Variants in TLL2 observed in about 807,000 individuals in gnomAD.
TLL2 encodes the protein tolloid like 2.
TLL2 carries 106 observed loss-of-function variants against 123.0 expected under a neutral mutation model. The ratio of observed to expected loss-of-function variants is 0.86; its 90% CI spans 0.74 to 1.01. The LOEUF (loss-of-function observed/expected upper bound fraction) is 1.01. TLL2 is among the 50% of genes least tolerant of loss of function. The pLI, the probability that TLL2 is intolerant of heterozygous loss-of-function variation, is 0.00. For synonymous variants in TLL2, 494 were observed against 516.8 expected, an observed-to-expected ratio of 0.96 and a Z score of 0.60; for missense variants, 1,332 against 1,336.7, an observed-to-expected ratio of 1.00 and a Z score of 0.06.
At chr10:96,418,151 T>C (rs750363999) in intron 7 of TLL2, among the ~76,000 whole-genome samples, 3 of 152,022 alleles carry the variant, frequency 2.0e-5, no homozygotes, top group Non-Finnish European at 4.4e-5. Context: ...ACATTGACAA[T>C]AGCATTAGAA....
intron 2 of TLL2, among the ~76,000 whole-genome samples, chr10:96,479,147 A>C (rs1333799236): frequency 6.6e-6 from 1 of 152,234 alleles, no homozygotes; most frequent in African/African-American, 2.4e-5. Flanking sequence ...TCCATTTAAA[A>C]TGTGAATAGA....
At position 96,397,312 on chromosome 10, in the gene TLL2, G is replaced by A. The variant is rs1846351991; in HGVS notation, c.1268-10C>T. 1 of 1,607,794 alleles carries A rather than the reference G, an allele frequency of 6.2e-7. No individual in the cohort carries two copies. The highest frequency in any genetic ancestry group is 1.1e-5 in the South Asian group (1 of 90,230). ...TCGCCACAAAACCTGCCTGGAAAGT[G>A]GAAAAAGAAGCAGTTAGGAGCCCTG... On this transcript the variant is annotated splice_polypyrimidine_tract_variant and intron_variant, in intron 10 of 20. Coordinates refer to ENST00000357947, the MANE Select transcript of TLL2 (RefSeq NM_012465.4).
chr10:96,469,609 G>GA (rs1847159729), intron 2 of TLL2, among the ~76,000 whole-genome samples: 1 of 152,164 alleles, frequency 6.6e-6, no homozygotes, highest in African/African-American at 2.4e-5. Flanking sequence ...TGCCATGAGA[G>GA]GGCAGTGGCT....
intron 1 of TLL2, among the ~76,000 whole-genome samples, chr10:96,488,028 C>T (rs1437495131): frequency 6.6e-6 from 1 of 152,198 alleles, no homozygotes; most frequent in Non-Finnish European, 1.5e-5. Context: ...ATAACTTTAC[C>T]TCTCTAAGCC....
At position 96,384,713 on chromosome 10, in the gene TLL2, G is replaced by T. The variant is rs1398743366; in HGVS notation, c.2068C>A (p.Leu690Met). The T allele has an allele frequency of 1.2e-6, 2 of 1,611,456 alleles. No homozygotes were observed. The highest frequency in any genetic ancestry group is 2.7e-5 in the African/African-American group (2 of 74,878). ...VRSGLSPDAK[L>M]HGRFCGSETP... ...TCAGAGCCGCAGAACCTGCCGTGCA[G>T]CTTGGCGTCGGGGGACAGGCCGCTG... The change falls in exon 16 of 21, where the codon CTG (leucine) becomes ATG (methionine). Residue 690 changes from leucine (L) to methionine (M), a missense_variant. By Grantham distance (15) the Leu-to-Met change is conservative. Transcript: ENST00000357947.
At chr10:96,508,731 T>C (rs1160584641) in intron 1 of TLL2, among the ~76,000 whole-genome samples, 1 of 151,930 alleles carries the variant, frequency 6.6e-6, no homozygotes, top group African/African-American at 2.4e-5. Flanking sequence ...CCTTTCTGCT[T>C]GAGAACTTTT....
At chr10:96,480,213 A>C (rs1450310926) in intron 2 of TLL2, 136 bp downstream of exon 2, 1 of 702,106 alleles carries the variant, frequency 1.4e-6, no homozygotes, top group Non-Finnish European at 2.5e-6. Flanking sequence ...AGGAGAAGTG[A>C]CCCCTCTGAT....
intron 1 of TLL2, among the ~76,000 whole-genome samples, chr10:96,491,540 A>G (rs1847413561): frequency 6.6e-6 from 1 of 152,198 alleles, no homozygotes. Flanking sequence ...TGGCTAGTAA[A>G]TGTTTCAGGA....
At chr10:96,404,921 C>G (rs1846435060) in intron 10 of TLL2, among the ~76,000 whole-genome samples, 1 of 152,150 alleles carries the variant, frequency 6.6e-6, no homozygotes, top group South Asian at 2.1e-4. Context: ...CAGCCAAACC[C>G]TACTGTTGAA....
intron 2 of TLL2, among the ~76,000 whole-genome samples, chr10:96,463,288 C>T (rs910377819): frequency 3.5e-4 from 53 of 152,208 alleles, no homozygotes; most frequent in East Asian, 1.9e-4. Flanking sequence ...GGAAAGCAAA[C>T]GAACGCAGCA....
intron 19 of TLL2, among the ~76,000 whole-genome samples, chr10:96,370,917 T>A (rs1846076600): frequency 6.6e-6 from 1 of 152,206 alleles, no homozygotes; most frequent in South Asian, 2.1e-4. Flanking sequence ...TGGGCTGGTA[T>A]TCTGTAGCCT....
At chr10:96,405,995 A>T (rs1305937688) in intron 9 of TLL2, among the ~76,000 whole-genome samples, 1 of 152,186 alleles carries the variant, frequency 6.6e-6, no homozygotes, top group Non-Finnish European at 1.5e-5. Flanking sequence ...CAATGAGAAC[A>T]CTATGGTATA....
Position 96,410,417 on chromosome 10 carries a change from T to C in TLL2, c.1106A>G (p.Asn369Ser). 2 of 1,614,068 alleles carry C rather than the reference T, an allele frequency of 1.2e-6. No homozygotes were observed. Among genetic ancestry groups the C allele is most frequent in the Non-Finnish European group, 8.5e-7 (1 of 1,180,002 alleles). The part of the protein sequence containing the change: ...TGNFSAPGFP[N>S]GYPSYSHCVW... ...GCAGTGGGAGTAAGATGGGTACCCATTTGGGAAACCAGGTGCAGAAAAGTT... is the reference window on the plus strand; with the variant it reads ...GCAGTGGGAGTAAGATGGGTACCCACTTGGGAAACCAGGTGCAGAAAAGTT... Residue 369 changes from asparagine to serine, a missense_variant, in exon 9 of 21, where the codon AAT becomes AGT. Transcript: ENST00000357947.
At chr10:96,427,360 C>T (rs1846687553) in intron 5 of TLL2, among the ~76,000 whole-genome samples, 1 of 152,078 alleles carries the variant, frequency 6.6e-6, no homozygotes, top group Admixed American at 6.5e-5. Flanking sequence ...TTTTCAAATC[C>T]TCTGTGAATC....
At position 96,421,171 on chromosome 10, in the gene TLL2, C is replaced by T. The variant is rs1846617372; in HGVS notation, c.818-110G>A. The T allele has an allele frequency of 4.0e-6, 3 of 751,644 alleles. No individual in the cohort carries two copies. In the South Asian group the frequency reaches 4.7e-5, roughly 12 times the overall value. The allele number at this position is 751,644 out of a possible 1,614,324, so 46.6% of individuals were successfully genotyped here. On this transcript the variant is annotated intron_variant, in intron 6 of 20. Coordinates refer to ENST00000357947, the MANE Select transcript of TLL2 (RefSeq NM_012465.4). ...ACAACTTCCCAGGGCTCTCTTGGCC[C>T]AATCAGTCAAATAACAGGGCTTGTA...
At chr10:96,500,808 G>GCGA (rs1847526912) in intron 1 of TLL2, among the ~76,000 whole-genome samples, 1 of 136,622 alleles carries the variant, frequency 7.3e-6, no homozygotes, top group African/African-American at 2.8e-5. Flanking sequence ...GAGGGACGGA[G>GCGA]GGAGGGAGGG....
At chr10:96,487,356 C>T (rs531237048) in intron 1 of TLL2, among the ~76,000 whole-genome samples, 1 of 152,320 alleles carries the variant, frequency 6.6e-6, no homozygotes, top group South Asian at 2.1e-4. Flanking sequence ...AGACCCCACC[C>T]TGCAAAACTC....
chr10:96,401,847 G>C lies in TLL2; in HGVS notation c.1267+3385C>G, dbSNP rs979325051. 5.9e-5 allele frequency among the ~76,000 whole-genome samples: 9 copies of C among 152,208 alleles called. 1 individual carries two copies. The highest frequency in any genetic ancestry group is 1.0e-4 in the Non-Finnish European group (7 of 68,042). On this transcript the variant is annotated intron_variant, in intron 10 of 20. Transcript: ENST00000357947. ...CATTCCTGGGAGGTGGGGGTAGAGAGTTGCCAGATTTAGCAAACAAAACTC... is the reference window on the plus strand; with the variant it reads ...CATTCCTGGGAGGTGGGGGTAGAGACTTGCCAGATTTAGCAAACAAAACTC...
At chr10:96,502,449 C>G (rs1302831405) in intron 1 of TLL2, among the ~76,000 whole-genome samples, 1 of 152,136 alleles carries the variant, frequency 6.6e-6, no homozygotes, top group Non-Finnish European at 1.5e-5. Flanking sequence ...GAGCTTGGAC[C>G]AGTGGCAGTG....
Sources: allele counts gnomAD v4.1 joint callset (sites outside exome capture counted in the v4.1 genomes callset), GRCh38; gene constraint gnomAD v4.1.1; transcripts MANE v1.5; gene names NCBI Gene and HGNC (gene_info 2026-07-23, HGNC 2026-07-21).